Variants in ZNF485 observed in about 807,000 individuals in gnomAD.
ZNF485 encodes Zinc finger protein 93 (Zinc finger protein HTF34).
In ZNF485, 9 loss-of-function variants were observed where a neutral mutation model predicts 10.8. The observed-to-expected ratio is 0.83, with a 90% CI of 0.50 to 1.45. The LOEUF (loss-of-function observed/expected upper bound fraction) is 1.45. Ranked by LOEUF, ZNF485 falls within the 40% of genes most tolerant of loss-of-function variation. The pLI is 0.00. For missense variants in ZNF485, 487 were observed against 528.0 expected, an observed-to-expected ratio of 0.92 and a Z score of 0.76; for synonymous variants, 187 against 181.0, an observed-to-expected ratio of 1.03 and a Z score of -0.27.
At chr10:43,613,011 A>G (rs1027780638) in intron 4 of ZNF485, among the ~76,000 whole-genome samples, 2 of 152,158 alleles carry the variant, frequency 1.3e-5, no homozygotes, top group African/African-American at 2.4e-5. Context: ...TAGAGCTTTC[A>G]TTATCATTTT....
At position 43,607,004 on chromosome 10, in the gene ZNF485, T is replaced by TA. The variant is rs777655566; in HGVS notation, c.-46dup. The TA allele has an allele frequency of 7.1e-6, 11 of 1,551,316 alleles. No individual in the cohort carries two copies. Among genetic ancestry groups the TA allele is most frequent in the Non-Finnish European group, 1.7e-6 (2 of 1,146,726 alleles). ...TCCTCTCTTCTTTCCCAGATTGACT[T>TA]ACGCAGGATTCTCAGCCCTTGCCTG... is the stretch of plus-strand genomic sequence containing the variant. On this transcript the variant is annotated 5_prime_UTR_variant, in exon 2 of 5. Coordinates refer to ENST00000361807, the MANE Select transcript of ZNF485 (RefSeq NM_145312.4).
chr10:43,606,918 G>A, intron 1 of ZNF485, 79 bp from the exon 2 acceptor site: 1 of 1,114,986 alleles, frequency 9.0e-7, no homozygotes. Context: ...ACGGGCGGGC[G>A]GGGACCTGGT....
chr10:43,617,326 A>G lies in ZNF485; in HGVS notation c.1283A>G (p.His428Arg). ...AFPRSSALKQ[H>R]KKIHNKERAM... Reference sequence around the variant, plus strand: ...CCCCGAAGTTCAGCCCTTAAGCAACATAAGAAAATTCATAATAAAGAAAGA... The same window carrying G: ...CCCCGAAGTTCAGCCCTTAAGCAACGTAAGAAAATTCATAATAAAGAAAGA... The change falls in exon 5 of 5, where the codon CAT becomes CGT. Residue 428 changes from histidine (H) to arginine (R), a missense_variant. Coordinates refer to ENST00000361807, the MANE Select transcript of ZNF485 (RefSeq NM_145312.4). 4 of 1,573,054 alleles carry G rather than the reference A, an allele frequency of 2.5e-6. No homozygotes were observed. The highest frequency in any genetic ancestry group is 3.4e-6 in the Non-Finnish European group (4 of 1,164,836).
intron 4 of ZNF485, among the ~76,000 whole-genome samples, chr10:43,610,565 TC>T (rs1838750185): frequency 6.6e-6 from 1 of 152,216 alleles, no homozygotes; most frequent in Admixed American, 6.5e-5. Flanking sequence ...TCTTCTTTAT[TC>T]TTTGTTCTTT....
Position 43,611,122 on chromosome 10 carries a change from G to T in ZNF485, c.247+1772G>T, listed in dbSNP as rs191879798. Among the ~76,000 whole-genome samples, 151 of 152,160 alleles carry T rather than the reference G, an allele frequency of 9.9e-4. 2 individuals are homozygous for T. The highest frequency in any genetic ancestry group is 9.9e-3 in the Admixed American group (151 of 15,298). On this transcript the variant is annotated intron_variant, in intron 4 of 4. Transcript: ENST00000361807. ...TGTGATCATGGCTCACTGCAACCTT[G>T]ACCTCCTGGCTCAAGTGATCCTCCT...
intron 1 of ZNF485, 83 bp from the exon 2 acceptor site, chr10:43,606,914 G>A: frequency 1.9e-6 from 2 of 1,054,590 alleles, no homozygotes; most frequent in Non-Finnish European, 1.4e-6. Flanking sequence ...GGGAACGGGC[G>A]GGCGGGGACC....
chr10:43,615,448 C>CTG (rs1254676706), intron 4 of ZNF485, among the ~76,000 whole-genome samples: 1 of 152,100 alleles, frequency 6.6e-6, no homozygotes, highest in African/African-American at 2.4e-5. Flanking sequence ...GTCACCTAGG[C>CTG]TGGAGTGCAG....
chr10:43,614,306 T>G (rs1350207021), intron 4 of ZNF485, among the ~76,000 whole-genome samples: 1 of 152,208 alleles, frequency 6.6e-6, no homozygotes, highest in African/African-American at 2.4e-5. Context: ...ATTGATTACA[T>G]GTATTGTACC....
chr10:43,607,204 C>T (rs902692440), intron 2 of ZNF485, 130 bp downstream of exon 2: 15 of 1,047,612 alleles, frequency 1.4e-5, no homozygotes, highest in Admixed American at 4.1e-5. Context: ...ATGGGTCCCG[C>T]GATTTCCGTC....
In ZNF485 at chr10:43,617,478, C is replaced by G. The variant is rs1838888715; in HGVS notation, c.*109C>G. 2.5e-6 allele frequency: 2 copies of G among 802,062 alleles called. No homozygotes were observed. Among genetic ancestry groups the G allele is most frequent in the Admixed American group, 4.9e-5 (2 of 40,608 alleles). 49.7% of individuals were successfully genotyped at this position (802,062 alleles called of 1,614,324 possible). ...TCTGTACTTCTGAGAGAACACATCA[C>G]TTGTGAGGATATTCATTGTGAGGTT... On this transcript the variant is annotated 3_prime_UTR_variant, in exon 5 of 5. Transcript: ENST00000361807.
At chr10:43,613,710 G>T (rs985502817) in intron 4 of ZNF485, among the ~76,000 whole-genome samples, 1 of 152,196 alleles carries the variant, frequency 6.6e-6, no homozygotes, top group Non-Finnish European at 1.5e-5. Context: ...TTTCTGTTGG[G>T]CATGTATTCA....
intron 4 of ZNF485, among the ~76,000 whole-genome samples, chr10:43,612,681 C>T (rs3123680): frequency 0.19 from 28,262 of 152,102 alleles, 3,319 homozygotes; most frequent in Non-Finnish European, 0.25. Flanking sequence ...TAATATTCTC[C>T]ACATCTTTGG....
At chr10:43,616,045 G>A (rs887341415) in intron 4 of ZNF485, among the ~76,000 whole-genome samples, 2 of 151,908 alleles carry the variant, frequency 1.3e-5, no homozygotes, top group African/African-American at 4.8e-5. Flanking sequence ...AACTTCTTAG[G>A]GGCTCACTGC....
Position 43,617,357 on chromosome 10 carries a change from G to A in ZNF485, c.1314G>A (p.Met438Ile). The change falls in exon 5 of 5, where the codon ATG becomes ATA. Residue 438 changes from methionine to isoleucine, a missense_variant. Transcript: ENST00000361807. The part of the protein sequence containing the change: ...HKKIHNKERA[M>I]KCS Reference sequence around the variant, plus strand: ...AAATTCATAATAAAGAAAGAGCCATGAAATGTAGTTAGTGTGGCAAATTGT... The same window carrying A: ...AAATTCATAATAAAGAAAGAGCCATAAAATGTAGTTAGTGTGGCAAATTGT... 1 of 1,551,146 alleles carries A rather than the reference G, an allele frequency of 6.4e-7. No homozygotes were observed.
In ZNF485 at chr10:43,616,819, G is replaced by A. The variant is rs771386204; in HGVS notation, c.776G>A (p.Arg259His). ...TTCGCTCAGAATGCAGCTCTTACTC[G>A]TCATGAAAGAATACATAGTGGAGAG... Reference protein sequence around the residue: ...KAFAQNAALTRHERIHSGEKP... With the variant: ...KAFAQNAALTHHERIHSGEKP... Residue 259 changes from arginine to histidine, a missense_variant, in exon 5 of 5, where the codon CGT becomes CAT. Arg to His is a conservative substitution (Grantham distance 29, BLOSUM62 0). Transcript: ENST00000361807. 12 of 1,613,848 alleles carry A rather than the reference G, an allele frequency of 7.4e-6. No homozygotes were observed. The highest frequency in any genetic ancestry group is 2.2e-5 in the East Asian group (1 of 44,856).
Position 43,617,348 on chromosome 10 carries a change from A to C in ZNF485, c.1305A>C (p.Glu435Asp). 1 of 1,556,946 alleles carries C rather than the reference A, an allele frequency of 6.4e-7. No individual in the cohort carries two copies. Among genetic ancestry groups the C allele is most frequent in the Non-Finnish European group, 8.6e-7 (1 of 1,156,558 alleles). ...LKQHKKIHNKERAMKCS is the reference protein window; with the variant it reads ...LKQHKKIHNKDRAMKCS ...AACATAAGAAAATTCATAATAAAGA[A>C]AGAGCCATGAAATGTAGTTAGTGTG... The change falls in exon 5 of 5, where the codon GAA (glutamate) becomes GAC (aspartate). Residue 435 changes from glutamate to aspartate, a missense_variant. Coordinates refer to ENST00000361807, the MANE Select transcript of ZNF485 (RefSeq NM_145312.4).
intron 3 of ZNF485, 70 bp downstream of exon 3, chr10:43,608,810 G>GT: frequency 6.4e-7 from 1 of 1,558,758 alleles, no homozygotes; most frequent in East Asian, 2.3e-5. Context: ...AGGGTGAATG[G>GT]TTTGGGGTAT....
At chr10:43,610,020 T>C (rs1838739135) in intron 4 of ZNF485, among the ~76,000 whole-genome samples, 1 of 152,190 alleles carries the variant, frequency 6.6e-6, no homozygotes, top group African/African-American at 2.4e-5. Context: ...CACTCTCTCA[T>C]GGAAGCTTGC....
In ZNF485 at chr10:43,617,056, G is replaced by A. The variant is rs1838876447; in HGVS notation, c.1013G>A (p.Ser338Asn). 1.9e-6 allele frequency: 3 copies of A among 1,614,132 alleles called. No homozygotes were observed. Among genetic ancestry groups the A allele is most frequent in the Non-Finnish European group, 1.7e-6 (2 of 1,180,034 alleles). ...CSKCGKSFRYSSSFAGHQKTH... is the reference protein window; with the variant it reads ...CSKCGKSFRYNSSFAGHQKTH... ...AAATGTGGAAAATCTTTCAGGTATA[G>A]CTCATCCTTTGCTGGTCATCAGAAA... Residue 338 changes from serine to asparagine, a missense_variant, in exon 5 of 5, where the codon AGC becomes AAC. By Grantham distance (46) the Ser-to-Asn change is conservative (BLOSUM62 1). Transcript: ENST00000361807.
Sources: gnomAD v4.1 joint callset for allele counts (sites outside exome capture counted in the v4.1 genomes callset) on GRCh38, gnomAD v4.1.1 for gene constraint, MANE v1.5 for transcripts, NCBI Gene and HGNC (gene_info 2026-07-23, HGNC 2026-07-21) for gene names.